SPRED2: variants seen among roughly 807,000 people sequenced by gnomAD.
The protein encoded by SPRED2 is sprouty-related, EVH1 domain-containing protein 2.
In SPRED2, 47 loss-of-function variants were observed where a neutral mutation model predicts 43.0. That is an observed-to-expected ratio of 1.09 (90% CI 0.87 to 1.40). The LOEUF is 1.40. Among genes scored for constraint, SPRED2 ranks in the 40% most tolerant of loss-of-function variants. SPRED2 has a pLI of 0.00. For missense variants in SPRED2, 561 were observed against 586.4 expected, an observed-to-expected ratio of 0.96 and a Z score of 0.45; for synonymous variants, 225 against 225.7, an observed-to-expected ratio of 1.00 and a Z score of 0.03.
intron 2 of SPRED2, among the ~76,000 whole-genome samples, chr2:65,340,476 G>A (rs541931655): frequency 1.3e-5 from 2 of 152,324 alleles, no homozygotes; most frequent in African/African-American, 4.8e-5. Flanking sequence ...GGCAATGACT[G>A]GAATGATCAA....
At chr2:65,388,135 G>T (rs532708350) in intron 1 of SPRED2, among the ~76,000 whole-genome samples, 2 of 152,326 alleles carry the variant, frequency 1.3e-5, no homozygotes, top group Non-Finnish European at 2.9e-5. Context: ...TGCAGCTCGC[G>T]TCTTCAGCTT....
chr2:65,372,731 C>G (rs1675155619), intron 1 of SPRED2, among the ~76,000 whole-genome samples: 1 of 152,182 alleles, frequency 6.6e-6, no homozygotes, highest in African/African-American at 2.4e-5. Flanking sequence ...GAGGTCTGAG[C>G]TTGAAATCAG....
chr2:65,389,840 A>C (rs1453553030), intron 1 of SPRED2, among the ~76,000 whole-genome samples: 1 of 152,228 alleles, frequency 6.6e-6, no homozygotes, highest in Non-Finnish European at 1.5e-5. Context: ...GCAGGAGTAA[A>C]ATGGCATTAT....
intron 1 of SPRED2, among the ~76,000 whole-genome samples, chr2:65,375,675 A>C (rs937798755): frequency 6.6e-5 from 10 of 152,200 alleles, no homozygotes; most frequent in African/African-American, 2.4e-4. Flanking sequence ...GAAAAGGTAC[A>C]TTTGTGGCAG....
intron 1 of SPRED2, chr2:65,366,904 AT>A (rs1287159074): frequency 1.5e-5 from 6 of 400,376 alleles, no homozygotes; most frequent in Non-Finnish European, 2.0e-5. Context: ...CAATTAAAAT[AT>A]TGTTTTAAAA....
At chr2:65,404,126 C>T (rs867019162) in intron 1 of SPRED2, among the ~76,000 whole-genome samples, 15 of 151,604 alleles carry the variant, frequency 9.9e-5, no homozygotes, top group Admixed American at 5.9e-4. Context: ...AACTCTTGAA[C>T]GCCCAGGAGA....
chr2:65,366,767 A>C, intron 1 of SPRED2: 2 of 1,395,216 alleles, frequency 1.4e-6, no homozygotes, highest in Non-Finnish European at 1.9e-6. Context: ...AATATACTGC[A>C]TTGTACCGGA....
chr2:65,386,530 C>A (rs536423819), intron 1 of SPRED2, among the ~76,000 whole-genome samples: 5 of 152,306 alleles, frequency 3.3e-5, no homozygotes, highest in Admixed American at 6.5e-5. Context: ...TGTATCTCCC[C>A]CTTAAGAATG....
At position 65,344,769 on chromosome 2, in the gene SPRED2, T is replaced by G. The variant is rs760474492; in HGVS notation, c.154A>C (p.Asn52His). The change falls in exon 2 of 6, where the codon AAT (asparagine) becomes CAT (histidine). Residue 52 changes from asparagine (N) to histidine (H), a missense_variant. Physicochemically the swap from Asn to His is moderately conservative, Grantham distance 68. Transcript: ENST00000356388. ...GVCKVMHPEG[N>H]GRSGFLIHGE... ...TGGATGAGAAAGCCGCTTCGTCCAT[T>G]GCCTTCGGGGTGCATGACCTTACAG... The G allele has an allele frequency of 2.5e-6, 4 of 1,614,206 alleles. No homozygotes were observed. Among genetic ancestry groups the G allele is most frequent in the Non-Finnish European group, 3.4e-6 (4 of 1,180,026 alleles).
intron 4 of SPRED2, among the ~76,000 whole-genome samples, chr2:65,329,305 A>G (rs574551098): frequency 6.6e-6 from 1 of 152,354 alleles, no homozygotes; most frequent in African/African-American, 2.4e-5. Flanking sequence ...GGAGCTCATA[A>G]ATGAAGGGGG....
intron 1 of SPRED2, among the ~76,000 whole-genome samples, chr2:65,385,737 T>G (rs1377023100): frequency 6.6e-6 from 1 of 152,064 alleles, no homozygotes; most frequent in African/African-American, 2.4e-5. Flanking sequence ...TCTTTGGAAA[T>G]GATGACCTTT....
At chr2:65,321,118 C>T (rs1193217471) in intron 4 of SPRED2, among the ~76,000 whole-genome samples, 1 of 152,090 alleles carries the variant, frequency 6.6e-6, no homozygotes, top group Non-Finnish European at 1.5e-5. Flanking sequence ...AGCAGAGGTC[C>T]CCTGTGACTA....
intron 4 of SPRED2, among the ~76,000 whole-genome samples, chr2:65,322,106 G>C (rs1409604124): frequency 6.6e-6 from 1 of 151,636 alleles, no homozygotes. Flanking sequence ...GTGACTGCTG[G>C]TATATGAAAG....
intron 1 of SPRED2, among the ~76,000 whole-genome samples, chr2:65,426,673 G>A (rs1185690450): frequency 2.6e-5 from 4 of 152,288 alleles, no homozygotes; most frequent in Non-Finnish European, 4.4e-5. Context: ...CCACCCAAAC[G>A]CAATGGCTCA....
chr2:65,402,552 G>C (rs564998212), intron 1 of SPRED2, among the ~76,000 whole-genome samples: 181 of 152,320 alleles, frequency 1.2e-3, no homozygotes, highest in African/African-American at 4.2e-3. Context: ...GGGATGTGAA[G>C]TCATAGGACT....
chr2:65,364,763 C>A (rs1288631557), intron 1 of SPRED2, among the ~76,000 whole-genome samples: 2 of 151,606 alleles, frequency 1.3e-5, no homozygotes, highest in African/African-American at 4.8e-5. Flanking sequence ...TTACCATAGG[C>A]CTCAAGGAAA....
chr2:65,313,807 G>A lies in SPRED2; in HGVS notation c.951C>T (p.Asn317=), dbSNP rs369415736. 3.1e-6 allele frequency: 5 copies of A among 1,613,754 alleles called. No homozygotes were observed. Among genetic ancestry groups the A allele is most frequent in the Non-Finnish European group, 3.4e-6 (4 of 1,180,036 alleles). ...AGTGGCCCCGGCGGTTCTCCTCGTG[G>A]TTGAACATGTCCCTGCAGTACACGC... The part of the protein sequence containing the change: ...SRCVYCRDMF[N]HEENRRGHCQ... Residue 317 remains asparagine, a synonymous_variant, in exon 6 of 6, where the codon AAC becomes AAT. Transcript: ENST00000356388.
chr2:65,383,035 C>T (rs1336304180), intron 1 of SPRED2, among the ~76,000 whole-genome samples: 1 of 152,200 alleles, frequency 6.6e-6, no homozygotes, highest in African/African-American at 2.4e-5. Context: ...CGGCACAAGC[C>T]GCCACCCACG....
At chr2:65,422,104 A>ACACACACACACACACACTCT (rs1299857849) in intron 1 of SPRED2, among the ~76,000 whole-genome samples, 26 of 128,940 alleles carry the variant, frequency 2.0e-4, no homozygotes, top group African/African-American at 5.5e-4. Flanking sequence ...ACACACACAC[A>ACACACACACACACACACTCT]CTCTCTCTCT....
Sources: allele counts gnomAD v4.1 joint callset (sites outside exome capture counted in the v4.1 genomes callset), GRCh38; gene constraint gnomAD v4.1.1; transcripts MANE v1.5; gene names NCBI Gene and HGNC (gene_info 2026-07-23, HGNC 2026-07-21).